ARHGEF4: variants seen among roughly 807,000 people sequenced by gnomAD.
ARHGEF4 encodes APC-stimulated guanine nucleotide exchange factor 1.
In ARHGEF4, 119 loss-of-function variants were observed where a neutral mutation model predicts 162.0. The ratio of observed to expected loss-of-function variants is 0.73; its 90% CI spans 0.63 to 0.86. ARHGEF4 has a LOEUF of 0.86. Ranked by LOEUF, ARHGEF4 falls within the 40% of genes least tolerant of loss-of-function variation. The pLI is 0.00. For synonymous variants in ARHGEF4, 1,014 were observed against 979.9 expected (o/e 1.03, Z -0.65); for missense variants, 2,488 against 2,456.0 (o/e 1.01, Z -0.28).
At chr2:131,014,024 A>G (rs1688630270) in intron 4 of ARHGEF4, among the ~76,000 whole-genome samples, 1 of 152,222 alleles carries the variant, frequency 6.6e-6, no homozygotes, top group African/African-American at 2.4e-5. Context: ...TTTATTGCAG[A>G]GCATTAGGGT....
intron 4 of ARHGEF4, among the ~76,000 whole-genome samples, chr2:130,947,644 T>G (rs796311259): frequency 7.2e-5 from 11 of 152,278 alleles, no homozygotes; most frequent in African/African-American, 2.6e-4. Flanking sequence ...GCAAATAGCA[T>G]CACATCACAT....
Position 131,041,260 on chromosome 2 carries a change from T to C in ARHGEF4, c.4693T>C (p.Cys1565Arg). Reference sequence around the variant, plus strand: ...CGACTTCCAGATCTACTCGGAGTACTGCAATAACCACCCCAACGCCTGCGT... The same window carrying C: ...CGACTTCCAGATCTACTCGGAGTACCGCAATAACCACCCCAACGCCTGCGT... ...QADFQIYSEYCNNHPNACVEL... is the reference protein window; with the variant it reads ...QADFQIYSEYRNNHPNACVEL... Residue 1565 changes from cysteine to arginine, a missense_variant, in exon 9 of 14, where the codon TGC (cysteine) becomes CGC (arginine). Cys to Arg is a radical substitution (Grantham distance 180). Coordinates refer to ENST00000409359, the MANE Select transcript of ARHGEF4 (RefSeq NM_001367493.1). The C allele has an allele frequency of 6.2e-7, 1 of 1,613,866 alleles. No homozygotes were observed. Among genetic ancestry groups the C allele is most frequent in the Non-Finnish European group, 8.5e-7 (1 of 1,180,018 alleles).
Position 131,038,888 on chromosome 2 carries a change from A to C in ARHGEF4, c.4161A>C (p.Ala1387=), listed in dbSNP as rs773079451. 18 of 1,613,090 alleles carry C rather than the reference A, an allele frequency of 1.1e-5. No individual in the cohort carries two copies. Among genetic ancestry groups the C allele is most frequent in the Non-Finnish European group, 1.4e-5 (16 of 1,179,914 alleles). ...ATGGCAGTGTGGTCTGCGCTGAAGC[A>C]CTCTGGGACCATGTCACCATGGACG... ...ISDGSVVCAE[A]LWDHVTMDDQ... is the part of the protein sequence containing the mutation. Residue 1387 remains alanine (A), a synonymous_variant, in exon 6 of 14, where the codon GCA becomes GCC. Coordinates refer to ENST00000409359, the MANE Select transcript of ARHGEF4 (RefSeq NM_001367493.1).
At chr2:130,928,702 C>T (rs1397916660) in intron 2 of ARHGEF4, among the ~76,000 whole-genome samples, 2 of 152,208 alleles carry the variant, frequency 1.3e-5, no homozygotes, top group Admixed American at 1.3e-4. Context: ...ACCCCTCCTA[C>T]ATCTACTTTA....
In ARHGEF4 at chr2:130,946,575, T is replaced by A; in HGVS notation, c.3925T>A (p.Ser1309Thr). 6.2e-7 allele frequency: 1 copy of A among 1,614,058 alleles called. No homozygotes were observed. The highest frequency in any genetic ancestry group is 8.5e-7 in the Non-Finnish European group (1 of 1,179,964). Residue 1309 changes from serine to threonine, a missense_variant, in exon 4 of 14, where the codon TCC becomes ACC. Transcript: ENST00000409359. ...TCTCCCTAGAAGAAGCCATCCACTCTCCCAGAGTGCTCCAACGGGACTGAA... is the reference window on the plus strand; with the variant it reads ...TCTCCCTAGAAGAAGCCATCCACTCACCCAGAGTGCTCCAACGGGACTGAA... ...LNLPRRSHPL[S>T]QSAPTGLNHM...
intron 4 of ARHGEF4, among the ~76,000 whole-genome samples, chr2:130,991,240 C>G (rs1260107371): frequency 1.3e-5 from 2 of 152,240 alleles, no homozygotes; most frequent in African/African-American, 4.8e-5. Flanking sequence ...GGATACTAGA[C>G]CGAAAACCTG....
intron 1 of ARHGEF4, among the ~76,000 whole-genome samples, chr2:130,883,883 T>C (rs898961175): frequency 1.3e-5 from 2 of 152,170 alleles, no homozygotes; most frequent in African/African-American, 4.8e-5. Context: ...CTCCTGAGCT[T>C]CAGCCTCCTC....
At position 131,028,090 on chromosome 2, in the gene ARHGEF4, G is replaced by T. The variant is rs1277922229; in HGVS notation, c.4125+6G>T. 1 of 1,613,466 alleles carries T rather than the reference G, an allele frequency of 6.2e-7. No homozygotes were observed. The highest frequency in any genetic ancestry group is 1.3e-5 in the African/African-American group (1 of 74,906). On this transcript the variant is annotated splice_donor_region_variant and intron_variant, in intron 5 of 13. Transcript: ENST00000409359. ...AGCAGCTGGCTATCAATGAGGTAGGGTCAGGGCTGCACGGGCAGAGGGAGG... is the reference window on the plus strand; with the variant it reads ...AGCAGCTGGCTATCAATGAGGTAGGTTCAGGGCTGCACGGGCAGAGGGAGG...
intron 4 of ARHGEF4, among the ~76,000 whole-genome samples, chr2:130,998,214 A>G (rs1419290964): frequency 6.6e-6 from 1 of 152,154 alleles, no homozygotes; most frequent in Non-Finnish European, 1.5e-5. Context: ...TTGTGCTATC[A>G]TTGTTAACAT....
chr2:130,937,361 C>T (rs1266596186), intron 3 of ARHGEF4, among the ~76,000 whole-genome samples: 2 of 152,172 alleles, frequency 1.3e-5, no homozygotes, highest in Non-Finnish European at 2.9e-5. Context: ...TGGCCATCTT[C>T]AAATCCACTG....
intron 1 of ARHGEF4, among the ~76,000 whole-genome samples, chr2:130,877,160 A>G (rs1442344747): frequency 6.6e-6 from 1 of 152,140 alleles, no homozygotes; most frequent in African/African-American, 2.4e-5. Flanking sequence ...CTCCCAGGGT[A>G]AGGGGGACGC....
chr2:130,841,128 G>C (rs932109448), intron 1 of ARHGEF4, among the ~76,000 whole-genome samples: 4 of 152,174 alleles, frequency 2.6e-5, no homozygotes, highest in South Asian at 2.1e-4. Flanking sequence ...GCAGTGGCGC[G>C]ATTTCAGCTC....
intron 1 of ARHGEF4, among the ~76,000 whole-genome samples, chr2:130,910,934 A>G (rs1401006024): frequency 6.6e-6 from 1 of 152,228 alleles, no homozygotes; most frequent in East Asian, 1.9e-4. Flanking sequence ...GATTAAAACT[A>G]GTGGTTTTTA....
chr2:130,837,134 G>A (rs1680249612), intron 1 of ARHGEF4, 142 bp downstream of exon 1: 4 of 772,244 alleles, frequency 5.2e-6, no homozygotes, highest in South Asian at 6.6e-5. Flanking sequence ...GCTCCCCGCC[G>A]CTCCCAACTT....
At chr2:131,023,846 G>C (rs535044629) in intron 4 of ARHGEF4, among the ~76,000 whole-genome samples, 1 of 152,254 alleles carries the variant, frequency 6.6e-6, no homozygotes, top group Admixed American at 6.5e-5. Flanking sequence ...AGGAATAGTT[G>C]GAAACAATCC....
At chr2:130,998,498 T>C (rs1687550320) in intron 4 of ARHGEF4, among the ~76,000 whole-genome samples, 2 of 152,228 alleles carry the variant, frequency 1.3e-5, no homozygotes, top group African/African-American at 2.4e-5. Context: ...TGGCCACTGA[T>C]AATTTTTTCC....
intron 1 of ARHGEF4, among the ~76,000 whole-genome samples, chr2:130,909,673 T>G (rs1681052304): frequency 6.6e-6 from 1 of 151,240 alleles, no homozygotes. Flanking sequence ...AAAAAGTAAA[T>G]AGCAGTAATA....
intron 4 of ARHGEF4, among the ~76,000 whole-genome samples, chr2:130,990,907 TA>T (rs1281864652): frequency 6.6e-6 from 1 of 152,180 alleles, no homozygotes. Context: ...CTCACACAGA[TA>T]TAGGGTTCAG....
chr2:130,841,917 C>T (rs1680638395), intron 1 of ARHGEF4, among the ~76,000 whole-genome samples: 1 of 152,196 alleles, frequency 6.6e-6, no homozygotes. Flanking sequence ...GCATGGGGGG[C>T]GCACCTGCAG....
Sources: gnomAD v4.1 joint callset for allele counts (sites outside exome capture counted in the v4.1 genomes callset) on GRCh38, gnomAD v4.1.1 for gene constraint, MANE v1.5 for transcripts, NCBI Gene and HGNC (gene_info 2026-07-23, HGNC 2026-07-21) for gene names.